ZBTB16: variants seen among roughly 807,000 people sequenced by gnomAD.
ZBTB16 encodes zinc finger and BTB domain containing 16, also known as zinc finger and BTB domain-containing protein 16.
Under a neutral mutation model 56.8 loss-of-function variants are expected in ZBTB16, and 8 were observed. That is an observed-to-expected ratio of 0.14 (90% CI 0.08 to 0.25). The LOEUF (loss-of-function observed/expected upper bound fraction) is 0.25. Ranked by LOEUF, ZBTB16 falls within the 10% of genes least tolerant of loss-of-function variation. ZBTB16 has a pLI of 1.00. For missense variants in ZBTB16, 625 were observed against 903.0 expected, an observed-to-expected ratio of 0.69 and a Z score of 3.95; for synonymous variants, 363 against 368.5, an observed-to-expected ratio of 0.98 and a Z score of 0.17.
chr11:114,165,846 A>C (rs917581994), intron 3 of ZBTB16, among the ~76,000 whole-genome samples: 2 of 152,200 alleles, frequency 1.3e-5, no homozygotes, highest in Non-Finnish European at 1.5e-5. Context: ...GGGGACCTTC[A>C]GAACCTGGGA....
At chr11:114,246,559 G>A (rs186905473) in intron 5 of ZBTB16, among the ~76,000 whole-genome samples, 13 of 152,310 alleles carry the variant, frequency 8.5e-5, no homozygotes, top group Middle Eastern at 3.4e-3. Flanking sequence ...AAAATTCTGG[G>A]CATTTCTTCT....
chr11:114,242,400 C>T lies in ZBTB16; in HGVS notation c.1624+63C>T, dbSNP rs866056819. 2.5e-4 allele frequency: 393 copies of T among 1,590,668 alleles called. 1 individual carries two copies. The highest frequency in any genetic ancestry group is 2.2e-3 in the Middle Eastern group (10 of 4,518). On this transcript the variant is annotated intron_variant, in intron 5 of 6. Transcript: ENST00000335953. Reference sequence around the variant, plus strand: ...GGGAGCCAGCGTCTATATTTACCTCCAAGGACGTAAAGTGGAGGTGGTGGG... The same window carrying T: ...GGGAGCCAGCGTCTATATTTACCTCTAAGGACGTAAAGTGGAGGTGGTGGG...
At position 114,202,145 on chromosome 11, in the gene ZBTB16, G is replaced by A. The variant is rs115268298; in HGVS notation, c.1453+15107G>A. On this transcript the variant is annotated intron_variant, in intron 4 of 6. Transcript: ENST00000335953. The stretch of plus-strand genomic sequence containing the variant: ...TCAGGGCTGCTGTCTTGTTCACTAT[G>A]GGCCTGACGGAGGAAGTGAGTAAGA... Among the ~76,000 whole-genome samples the A allele has an allele frequency of 7.3e-3, 1,116 of 152,272 alleles. 13 individuals are homozygous for A. The highest frequency in any genetic ancestry group is 0.024 in the African/African-American group (983 of 41,554).
chr11:114,143,418 G>A lies in ZBTB16; in HGVS notation c.1269-12919G>A, dbSNP rs1036213457. ...GAAACACACTTAAAAGACAGAGGCT[G>A]GGGGGGAAAGGGGGTCAGCTTTGAG... is the stretch of plus-strand genomic sequence containing the variant. On this transcript the variant is annotated intron_variant, in intron 2 of 6. Transcript: ENST00000335953. This position sits in a 1 kb window ranked among gnomAD's most constrained non-coding sequence, Gnocchi z 6.4. 1.3e-5 allele frequency among the ~76,000 whole-genome samples: 2 copies of A among 152,046 alleles called. No homozygotes were observed. The highest frequency in any genetic ancestry group is 4.2e-4 in the South Asian group (2 of 4,814).
At position 114,186,938 on chromosome 11, in the gene ZBTB16, C is replaced by A. The variant is rs748661885; in HGVS notation, c.1367-14C>A. ...ACTATTGCTCTAGTGGTAACTGCCT[C>A]TCCTTTCTTTCAGCGGGTGCCAAAG... is the stretch of plus-strand genomic sequence containing the variant. On this transcript the variant is annotated splice_polypyrimidine_tract_variant and intron_variant, in intron 3 of 6. Transcript: ENST00000335953. 1 of 1,613,720 alleles carries A rather than the reference C, an allele frequency of 6.2e-7. No individual in the cohort carries two copies. Among genetic ancestry groups the A allele is most frequent in the East Asian group, 2.2e-5 (1 of 44,862 alleles).
intron 2 of ZBTB16, among the ~76,000 whole-genome samples, chr11:114,155,146 T>G (rs1024797003): frequency 6.6e-6 from 1 of 152,246 alleles, no homozygotes; most frequent in African/African-American, 2.4e-5. Flanking sequence ...TTGATGGAGA[T>G]AGAGGGCCTT....
intron 2 of ZBTB16, among the ~76,000 whole-genome samples, chr11:114,108,670 C>T (rs1050802129): frequency 1.3e-5 from 2 of 152,124 alleles, no homozygotes; most frequent in African/African-American, 2.4e-5. Flanking sequence ...ACCGTCTGCC[C>T]GCCTCTGAAT....
intron 3 of ZBTB16, among the ~76,000 whole-genome samples, chr11:114,185,225 A>T (rs377651241): frequency 6.6e-6 from 1 of 152,146 alleles, no homozygotes; most frequent in Admixed American, 6.5e-5. Context: ...AATGACAACA[A>T]CAACAAAGCG....
chr11:114,192,400 C>T (rs901892744), intron 4 of ZBTB16, among the ~76,000 whole-genome samples: 1 of 152,170 alleles, frequency 6.6e-6, no homozygotes, highest in Non-Finnish European at 1.5e-5. Context: ...AGGGAAGTGA[C>T]AGAAACCTAT....
At chr11:114,138,970 C>T (rs497010) in intron 2 of ZBTB16, among the ~76,000 whole-genome samples, 3 of 152,118 alleles carry the variant, frequency 2.0e-5, no homozygotes, top group Admixed American at 6.5e-5. Context: ...GGATTACAGG[C>T]GTGAGCCACT....
chr11:114,178,699 G>T (rs1364937637), intron 3 of ZBTB16, among the ~76,000 whole-genome samples: 1 of 152,184 alleles, frequency 6.6e-6, no homozygotes, highest in African/African-American at 2.4e-5. Flanking sequence ...GAGAGGGACT[G>T]CAGGATCCCA....
intron 2 of ZBTB16, among the ~76,000 whole-genome samples, chr11:114,133,302 CT>C (rs1208158376): frequency 6.6e-6 from 1 of 152,158 alleles, no homozygotes; most frequent in East Asian, 1.9e-4. Flanking sequence ...TGCCCCACCC[CT>C]GGCACCTTGT....
chr11:114,081,813 G>C (rs1939772825), intron 2 of ZBTB16, among the ~76,000 whole-genome samples: 1 of 152,214 alleles, frequency 6.6e-6, no homozygotes, highest in Non-Finnish European at 1.5e-5. Context: ...TGGCAGGAAT[G>C]AGGGTGATTC....
chr11:114,209,233 A>C (rs546412871), intron 4 of ZBTB16: 57 of 304,304 alleles, frequency 1.9e-4, no homozygotes, highest in African/African-American at 1.2e-3. Flanking sequence ...AGACACTCAA[A>C]GCTGCTTTGG....
intron 2 of ZBTB16, among the ~76,000 whole-genome samples, chr11:114,155,459 G>A (rs1418042717): frequency 2.6e-5 from 3 of 113,520 alleles, no homozygotes; most frequent in African/African-American, 1.1e-4. Flanking sequence ...GAGAGGCCCC[G>A]GGTTGGGGGT....
intron 2 of ZBTB16, among the ~76,000 whole-genome samples, chr11:114,146,582 C>T (rs1942109948): frequency 6.6e-6 from 1 of 152,080 alleles, no homozygotes; most frequent in South Asian, 2.1e-4. Context: ...CACGGTGGCT[C>T]ATACTTGTAA....
intron 3 of ZBTB16, among the ~76,000 whole-genome samples, chr11:114,166,108 C>T (rs970832101): frequency 2.0e-5 from 3 of 152,076 alleles, no homozygotes; most frequent in South Asian, 4.1e-4. Context: ...TCACTCCTCT[C>T]CCAGGTGTTC....
chr11:114,099,265 A>G (rs1940524256), intron 2 of ZBTB16, among the ~76,000 whole-genome samples: 1 of 152,212 alleles, frequency 6.6e-6, no homozygotes, highest in Admixed American at 6.5e-5. Context: ...ACTTCTAAAC[A>G]GTGGTCTTAC....
intron 3 of ZBTB16, among the ~76,000 whole-genome samples, chr11:114,161,076 G>T (rs1216790390): frequency 1.3e-5 from 2 of 152,046 alleles, no homozygotes; most frequent in Non-Finnish European, 2.9e-5. Context: ...CTGTCTCTTC[G>T]CCACTCCTTG....
Sources: allele counts gnomAD v4.1 joint callset (sites outside exome capture counted in the v4.1 genomes callset), GRCh38; gene constraint gnomAD v4.1.1; non-coding constraint Gnocchi (gnomAD v3.1); transcripts MANE v1.5; gene names NCBI Gene and HGNC (gene_info 2026-07-23, HGNC 2026-07-21).